The following PTGFRN variants were observed in gnomAD, a reference collection of about 807,000 sequenced individuals.
The protein encoded by PTGFRN is prostaglandin F2 receptor negative regulator.
A neutral mutation model predicts 83.2 loss-of-function variants in PTGFRN; 35 were observed. The ratio of observed to expected loss-of-function variants is 0.42; its 90% CI spans 0.32 to 0.56. The LOEUF (loss-of-function observed/expected upper bound fraction) is 0.56. Ranked by LOEUF, PTGFRN falls within the 20% of genes least tolerant of loss-of-function variation. PTGFRN has a pLI of 0.11. For missense variants in PTGFRN, 1,051 were observed against 1,179.5 expected, an observed-to-expected ratio of 0.89 and a Z score of 1.60; for synonymous variants, 519 against 498.6, an observed-to-expected ratio of 1.04 and a Z score of -0.55.
chr1:116,987,597 C>G lies in PTGFRN; in HGVS notation c.*630C>G. On this transcript the variant is annotated 3_prime_UTR_variant, in exon 9 of 9. Coordinates refer to ENST00000393203, the MANE Select transcript of PTGFRN (RefSeq NM_020440.4). The stretch of plus-strand genomic sequence containing the variant: ...TTTTTTTTTTTTTTTTTTTGCTTCT[C>G]TGCCCCTTTTCCATTTCTTTTGTAT... 7.7e-6 allele frequency: 1 copy of G among 130,320 alleles called. No homozygotes were observed. Among genetic ancestry groups the G allele is most frequent in the South Asian group, 2.4e-4 (1 of 4,156 alleles). The allele number at this position is 130,320 out of a possible 1,614,324, so 8.1% of individuals were successfully genotyped here.
Position 116,986,792 on chromosome 1 carries a change from C to T in PTGFRN, c.2474-9C>T. ...CTGACTGGCTTCCCCTTTGATCTCT[C>T]CCTCCCAGTGCTGAACGCCTTCAAG... is the stretch of plus-strand genomic sequence containing the variant. On this transcript the variant is annotated splice_polypyrimidine_tract_variant and intron_variant, in intron 8 of 8. Transcript: ENST00000393203. The T allele has an allele frequency of 1.2e-6, 2 of 1,613,630 alleles. No individual in the cohort carries two copies. The highest frequency in any genetic ancestry group is 1.7e-6 in the Non-Finnish European group (2 of 1,179,826).
rs149262662 is a variant in PTGFRN, at chr1:116,970,179, T to C, written c.2059+2849T>C. ...GACATTCTTGTCTTGTTTCTGATCATAGGGGGAAAGCGTTCAGTCTCATTC... is the reference window on the plus strand; with the variant it reads ...GACATTCTTGTCTTGTTTCTGATCACAGGGGGAAAGCGTTCAGTCTCATTC... On this transcript the variant is annotated intron_variant, in intron 6 of 8. Coordinates refer to ENST00000393203, the MANE Select transcript of PTGFRN (RefSeq NM_020440.4). 9.5e-3 allele frequency among the ~76,000 whole-genome samples: 1,452 copies of C among 152,282 alleles called. 12 individuals are homozygous for C. The highest frequency in any genetic ancestry group is 0.029 in the African/African-American group (1,213 of 41,556).
intron 1 of PTGFRN, among the ~76,000 whole-genome samples, chr1:116,911,342 G>T (rs1004202264): frequency 2.6e-5 from 4 of 152,172 alleles, no homozygotes; most frequent in African/African-American, 4.8e-5. Context: ...GGTCCCAGCT[G>T]CACACAGGGC....
At position 116,910,195 on chromosome 1, in the gene PTGFRN, C is replaced by T. The variant is rs1649223600; in HGVS notation, c.-9C>T. On this transcript the variant is annotated 5_prime_UTR_variant, in exon 1 of 9. Transcript: ENST00000393203. ...GGAGGAGGGGGAGAGTCGCTCCCGCCGGGCGAGCATGGGGCGCCTGGCCTC... is the reference window on the plus strand; with the variant it reads ...GGAGGAGGGGGAGAGTCGCTCCCGCTGGGCGAGCATGGGGCGCCTGGCCTC... 2.7e-6 allele frequency: 4 copies of T among 1,486,666 alleles called. No individual in the cohort carries two copies. Among genetic ancestry groups the T allele is most frequent in the Middle Eastern group, 2.2e-4 (1 of 4,536 alleles). The allele number at this position is 1,486,666 out of a possible 1,614,324, so 92.1% of individuals were successfully genotyped here.
Position 116,989,547 on chromosome 1 carries a change from G to T in PTGFRN, c.*2580G>T, listed in dbSNP as rs1651644642. The T allele has an allele frequency of 6.6e-6, 1 of 152,570 alleles. No homozygotes were observed. The highest frequency in any genetic ancestry group is 1.5e-5 in the Non-Finnish European group (1 of 68,032). The allele number at this position is 152,570 out of a possible 1,614,324, so 9.5% of individuals were successfully genotyped here. A position where few individuals can be genotyped will look rare whatever the true frequency, so the allele number is the denominator to read the frequency against. On this transcript the variant is annotated 3_prime_UTR_variant, in exon 9 of 9. Transcript: ENST00000393203. ...AGAGACCCAGCCGCGTCTCACACAG[G>T]TGGAATTGCACTTCTTAACAAAAAG...
intron 4 of PTGFRN, among the ~76,000 whole-genome samples, chr1:116,954,123 G>T (rs949534023): frequency 6.6e-6 from 1 of 152,074 alleles, no homozygotes; most frequent in Non-Finnish European, 1.5e-5. Context: ...CTCCCAAAGT[G>T]CTGGGATTAC....
intron 1 of PTGFRN, among the ~76,000 whole-genome samples, chr1:116,931,202 G>C (rs1305853667): frequency 6.6e-6 from 1 of 152,144 alleles, no homozygotes; most frequent in African/African-American, 2.4e-5. Flanking sequence ...TTCAGATTGG[G>C]AATCCTTAAC....
intron 1 of PTGFRN, among the ~76,000 whole-genome samples, chr1:116,927,309 C>T (rs1037798026): frequency 3.9e-5 from 6 of 152,116 alleles, no homozygotes; most frequent in African/African-American, 1.2e-4. Flanking sequence ...GACAAAACCT[C>T]ACAATTTCAT....
intron 7 of PTGFRN, among the ~76,000 whole-genome samples, chr1:116,976,693 A>G (rs1293527925): frequency 6.6e-6 from 1 of 152,232 alleles, no homozygotes; most frequent in Non-Finnish European, 1.5e-5. Flanking sequence ...TGTCACCACC[A>G]GGCCTGCCCT....
At chr1:116,984,181 G>A (rs1651397659) in intron 7 of PTGFRN, among the ~76,000 whole-genome samples, 1 of 152,170 alleles carries the variant, frequency 6.6e-6, no homozygotes, top group African/African-American at 2.4e-5. Context: ...TAAATTTGGT[G>A]CAATTCATTT....
At chr1:116,959,862 G>A (rs977610403) in intron 4 of PTGFRN, among the ~76,000 whole-genome samples, 2 of 151,946 alleles carry the variant, frequency 1.3e-5, no homozygotes, top group Non-Finnish European at 1.5e-5. Flanking sequence ...TGAATTCCCA[G>A]CTATTTGGTT....
intron 7 of PTGFRN, 135 bp downstream of exon 7, chr1:116,974,458 T>C (rs892524062): frequency 8.0e-6 from 5 of 623,398 alleles, no homozygotes; most frequent in Non-Finnish European, 1.4e-5. Flanking sequence ...GCCCAGTACT[T>C]TGTACTCATT....
At chr1:116,911,153 C>G (rs1054624416) in intron 1 of PTGFRN, among the ~76,000 whole-genome samples, 5 of 152,092 alleles carry the variant, frequency 3.3e-5, no homozygotes, top group Admixed American at 1.3e-4. Flanking sequence ...TATTAAGTGC[C>G]CACCATGGTA....
intron 2 of PTGFRN, among the ~76,000 whole-genome samples, chr1:116,944,321 A>T (rs891992420): frequency 1.3e-5 from 2 of 152,162 alleles, no homozygotes; most frequent in Non-Finnish European, 2.9e-5. Context: ...CTTAACTCTC[A>T]TGTCAACTCT....
chr1:116,974,223 A>T lies in PTGFRN; in HGVS notation c.2067A>T (p.Ile689=). The T allele has an allele frequency of 6.2e-7, 1 of 1,604,516 alleles. No individual in the cohort carries two copies. The highest frequency in any genetic ancestry group is 8.5e-7 in the Non-Finnish European group (1 of 1,171,798). Reference sequence around the variant, plus strand: ...GCATTACTTTTTTTCCAGGTCCTATATTTAATGCTTCTGTGCATTCAGACA... The same window carrying T: ...GCATTACTTTTTTTCCAGGTCCTATTTTTAATGCTTCTGTGCATTCAGACA... The part of the protein sequence containing the change: ...IEIDFQTSGP[I]FNASVHSDTP... Residue 689 remains isoleucine (I), a synonymous_variant, in exon 7 of 9, where the codon ATA becomes ATT. Transcript: ENST00000393203.
rs1184392108 is a variant in PTGFRN, at chr1:116,986,969, C to G, written c.*2C>G. 1.1e-5 allele frequency: 18 copies of G among 1,613,984 alleles called. No homozygotes were observed. The East Asian group carries it at 3.8e-4, about 34-fold the overall frequency. On this transcript the variant is annotated 3_prime_UTR_variant, in exon 9 of 9. Transcript: ENST00000393203. ...CTCATGTCGATGGAGATGGACTAGG[C>G]TGGCCCGGGAGGGGAGTGACAGAGG...
chr1:116,935,710 A>G (rs1472724026), intron 1 of PTGFRN, among the ~76,000 whole-genome samples: 1 of 152,070 alleles, frequency 6.6e-6, no homozygotes, highest in Non-Finnish European at 1.5e-5. Flanking sequence ...TATCAAAGGT[A>G]CTCTGAGGCT....
chr1:116,959,352 A>T (rs908655289), intron 4 of PTGFRN, among the ~76,000 whole-genome samples: 4 of 152,168 alleles, frequency 2.6e-5, no homozygotes, highest in Non-Finnish European at 5.9e-5. Flanking sequence ...TCACAGTACG[A>T]TGTACTCCCA....
chr1:116,946,241 C>T (rs1000394390), intron 3 of PTGFRN, among the ~76,000 whole-genome samples: 3 of 152,122 alleles, frequency 2.0e-5, no homozygotes, highest in Non-Finnish European at 2.9e-5. Context: ...GTGCATTGTC[C>T]TGAGCTCTTT....
Sources: gnomAD v4.1 joint callset for allele counts (sites outside exome capture counted in the v4.1 genomes callset) on GRCh38, gnomAD v4.1.1 for gene constraint, MANE v1.5 for transcripts, NCBI Gene and HGNC (gene_info 2026-07-23, HGNC 2026-07-21) for gene names.